Variants in PIBF1 observed in about 807,000 individuals in gnomAD.
PIBF1 encodes the protein progesterone immunomodulatory binding factor 1.
PIBF1 carries 90 observed loss-of-function variants against 112.5 expected under a neutral mutation model. The ratio of observed to expected loss-of-function variants is 0.80; its 90% CI spans 0.67 to 0.95. PIBF1 has a LOEUF of 0.95. PIBF1 is among the 40% of genes least tolerant of loss of function. The pLI is 0.00. For missense variants in PIBF1, 915 were observed against 852.3 expected, an observed-to-expected ratio of 1.07 and a Z score of -0.92; for synonymous variants, 301 against 288.6, an observed-to-expected ratio of 1.04 and a Z score of -0.44.
intron 11 of PIBF1, among the ~76,000 whole-genome samples, chr13:72,901,997 T>C (rs189363769): frequency 0.01 from 1,295 of 123,502 alleles, 15 homozygotes; most frequent in Non-Finnish European, 0.015. Context: ...AACTGTAGTG[T>C]GTATGTATAT....
intron 9 of PIBF1, among the ~76,000 whole-genome samples, chr13:72,850,497 C>G (rs2038088455): frequency 6.6e-6 from 1 of 152,136 alleles, no homozygotes; most frequent in Admixed American, 6.5e-5. Context: ...ATTTCATTCC[C>G]TTTGTCTTGT....
At chr13:72,936,803 A>AT (rs914047821) in intron 14 of PIBF1, among the ~76,000 whole-genome samples, 18 of 150,706 alleles carry the variant, frequency 1.2e-4, no homozygotes, top group Admixed American at 4.6e-4. Flanking sequence ...CAGTTTGTTA[A>AT]TTTTTTTTTC....
intron 12 of PIBF1, among the ~76,000 whole-genome samples, chr13:72,912,878 G>A (rs745901589): frequency 6.7e-6 from 1 of 149,654 alleles, no homozygotes; most frequent in Non-Finnish European, 1.5e-5. Flanking sequence ...ATTATAGTAT[G>A]TGGTATGATT....
intron 11 of PIBF1, among the ~76,000 whole-genome samples, chr13:72,897,844 A>G (rs780946095): frequency 2.6e-5 from 4 of 152,226 alleles, no homozygotes; most frequent in African/African-American, 4.8e-5. Flanking sequence ...TCAGCAACAC[A>G]GTAATAGTGG....
At chr13:72,984,567 AC>A (rs2043229179) in intron 16 of PIBF1, among the ~76,000 whole-genome samples, 1 of 152,134 alleles carries the variant, frequency 6.6e-6, no homozygotes, top group Non-Finnish European at 1.5e-5. Flanking sequence ...CACCCATTTC[AC>A]AGAGGCAACA....
chr13:72,790,291 G>T (rs1024031096), intron 2 of PIBF1, among the ~76,000 whole-genome samples: 3 of 152,104 alleles, frequency 2.0e-5, no homozygotes, highest in Admixed American at 6.5e-5. Flanking sequence ...TTTAACTGGG[G>T]CCATTTATAA....
chr13:72,833,762 C>T (rs1304830362), intron 8 of PIBF1, among the ~76,000 whole-genome samples: 1 of 152,188 alleles, frequency 6.6e-6, no homozygotes, highest in Non-Finnish European at 1.5e-5. Flanking sequence ...TGACCCTTAG[C>T]AGAGTTCAAA....
intron 17 of PIBF1, among the ~76,000 whole-genome samples, chr13:73,008,241 A>C (rs1162487624): frequency 6.6e-6 from 1 of 152,246 alleles, no homozygotes; most frequent in Non-Finnish European, 1.5e-5. Context: ...ATTTGAGTTC[A>C]TACAGCAAAA....
chr13:73,011,524 G>T (rs1166715945), intron 17 of PIBF1, among the ~76,000 whole-genome samples: 1 of 152,158 alleles, frequency 6.6e-6, no homozygotes, highest in African/African-American at 2.4e-5. Flanking sequence ...AAGCTACCCT[G>T]CTGGGGCTTT....
At chr13:72,874,324 C>G (rs1189079771) in intron 10 of PIBF1, among the ~76,000 whole-genome samples, 1 of 152,118 alleles carries the variant, frequency 6.6e-6, no homozygotes, top group Non-Finnish European at 1.5e-5. Context: ...TGCTATATTT[C>G]TAATGTCCCC....
chr13:72,957,531 T>G (rs1405938561), intron 14 of PIBF1, among the ~76,000 whole-genome samples: 1 of 151,980 alleles, frequency 6.6e-6, no homozygotes, highest in African/African-American at 2.4e-5. Context: ...GGGAGCAGGG[T>G]GGAGGATACA....
intron 10 of PIBF1, among the ~76,000 whole-genome samples, chr13:72,870,570 A>G (rs1480413212): frequency 6.6e-6 from 1 of 152,220 alleles, no homozygotes; most frequent in Non-Finnish European, 1.5e-5. Flanking sequence ...CACTGTAGAG[A>G]ATTTTAAAAA....
intron 15 of PIBF1, among the ~76,000 whole-genome samples, chr13:72,971,270 A>T (rs979407651): frequency 6.6e-6 from 1 of 151,988 alleles, no homozygotes; most frequent in African/African-American, 2.4e-5. Flanking sequence ...TTATAAGTGT[A>T]TACATGTATA....
chr13:72,785,887 C>T (rs1188411362), intron 2 of PIBF1, among the ~76,000 whole-genome samples: 3 of 152,142 alleles, frequency 2.0e-5, no homozygotes, highest in African/African-American at 7.2e-5. Flanking sequence ...TTGTCAATGG[C>T]TTTGCTTCTT....
At chr13:72,791,732 A>G (rs1486858279) in intron 2 of PIBF1, among the ~76,000 whole-genome samples, 1 of 151,768 alleles carries the variant, frequency 6.6e-6, no homozygotes, top group Non-Finnish European at 1.5e-5. Flanking sequence ...TTCCAGGTTC[A>G]AGTGATTCTC....
At chr13:72,924,904 A>G (rs1044690091) in intron 13 of PIBF1, among the ~76,000 whole-genome samples, 2 of 152,210 alleles carry the variant, frequency 1.3e-5, no homozygotes, top group East Asian at 1.9e-4. Flanking sequence ...AGTCAGAGGA[A>G]TAGAGATCTG....
intron 16 of PIBF1, among the ~76,000 whole-genome samples, chr13:72,985,700 G>C (rs79247899): frequency 1.3e-5 from 2 of 152,296 alleles, no homozygotes; most frequent in East Asian, 3.9e-4. Flanking sequence ...CTGACACTAA[G>C]AGAAGGCTGG....
chr13:72,900,441 A>G (rs2040441171), intron 11 of PIBF1, among the ~76,000 whole-genome samples: 2 of 152,162 alleles, frequency 1.3e-5, no homozygotes, highest in South Asian at 4.1e-4. Flanking sequence ...AACCAGAAAT[A>G]AACCCAAATA....
chr13:72,839,918 G>A (rs2037530706), intron 9 of PIBF1, among the ~76,000 whole-genome samples: 2 of 152,192 alleles, frequency 1.3e-5, no homozygotes, highest in African/African-American at 4.8e-5. Context: ...CATCAAAATG[G>A]ACACTACCTA....
Sources: gnomAD v4.1 joint callset for allele counts (sites outside exome capture counted in the v4.1 genomes callset) on GRCh38, gnomAD v4.1.1 for gene constraint, MANE v1.5 for transcripts, NCBI Gene and HGNC (gene_info 2026-07-23, HGNC 2026-07-21) for gene names.